PDS5B: variants seen among roughly 807,000 people sequenced by gnomAD.
PDS5B encodes the protein sister chromatid cohesion protein PDS5 homolog B.
PDS5B carries 51 observed loss-of-function variants against 184.1 expected under a neutral mutation model. The observed-to-expected ratio is 0.28, with a 90% CI of 0.22 to 0.35. The LOEUF (loss-of-function observed/expected upper bound fraction) is 0.35, where lower values mean the gene tolerates loss of function less well. Ranked by LOEUF, PDS5B falls within the 10% of genes least tolerant of loss-of-function variation. The pLI is 1.00. For synonymous variants in PDS5B, 566 were observed against 569.2 expected (o/e 0.99, Z 0.08); for missense variants, 1,180 against 1,723.3 (o/e 0.68, Z 5.58).
intron 1 of PDS5B, among the ~76,000 whole-genome samples, chr13:32,626,338 A>G (rs1295440805): frequency 6.6e-6 from 1 of 152,180 alleles, no homozygotes; most frequent in Admixed American, 6.5e-5. Flanking sequence ...CTTTTTCTGT[A>G]TTTTGTAACT....
intron 24 of PDS5B, 117 bp from the exon 25 acceptor site, chr13:32,753,215 T>G: frequency 1.4e-6 from 1 of 710,728 alleles, no homozygotes; most frequent in Non-Finnish European, 2.4e-6. Flanking sequence ...AGTGAAGCAA[T>G]TATTGTAGAT....
intron 6 of PDS5B, among the ~76,000 whole-genome samples, chr13:32,660,835 C>T (rs1240892518): frequency 1.3e-5 from 2 of 152,130 alleles, no homozygotes; most frequent in Admixed American, 6.5e-5. Flanking sequence ...GGAATCTTTC[C>T]ACCAAGTACT....
In PDS5B at chr13:32,616,394, C is replaced by G. The variant is rs567819570; in HGVS notation, c.-20+29801C>G. Among the ~76,000 whole-genome samples, 3 of 151,898 alleles carry G rather than the reference C, an allele frequency of 2.0e-5. No homozygotes were observed. In the South Asian group the frequency reaches 6.3e-4, roughly 32 times the overall value. On this transcript the variant is annotated intron_variant, in intron 1 of 34. Coordinates refer to ENST00000315596, the MANE Select transcript of PDS5B (RefSeq NM_015032.4). ...AAAATTTTTTTATACTTTAAAAACA[C>G]GAATGGGATCATACTATGGATACTA... is the stretch of plus-strand genomic sequence containing the variant.
At chr13:32,758,993 T>G (rs1473197731) in intron 28 of PDS5B, among the ~76,000 whole-genome samples, 1 of 152,012 alleles carries the variant, frequency 6.6e-6, no homozygotes, top group African/African-American at 2.4e-5. Flanking sequence ...GGATTTATAA[T>G]TGGTATGAGG....
At position 32,775,226 on chromosome 13, in the gene PDS5B, A is replaced by T; in HGVS notation, c.*174A>T. The T allele has an allele frequency of 1.7e-6, 1 of 605,554 alleles. No homozygotes were observed. Among genetic ancestry groups the T allele is most frequent in the Non-Finnish European group, 2.9e-6 (1 of 342,696 alleles). The allele number at this position is 605,554 out of a possible 1,614,324, so 37.5% of individuals were successfully genotyped here. ...ACATTTGTGGTCACATGCTTTAGCCATACACATGGTAACATTGACTATGGA... is the reference window on the plus strand; with the variant it reads ...ACATTTGTGGTCACATGCTTTAGCCTTACACATGGTAACATTGACTATGGA... On this transcript the variant is annotated 3_prime_UTR_variant, in exon 35 of 35. Coordinates refer to ENST00000315596, the MANE Select transcript of PDS5B (RefSeq NM_015032.4).
At chr13:32,695,620 A>C (rs780348735) in intron 14 of PDS5B, among the ~76,000 whole-genome samples, 7 of 152,034 alleles carry the variant, frequency 4.6e-5, no homozygotes, top group Non-Finnish European at 1.0e-4. Context: ...TGGAAATCAT[A>C]ATAACATCCA....
intron 21 of PDS5B, among the ~76,000 whole-genome samples, chr13:32,735,742 T>G (rs1225759762): frequency 4.0e-5 from 6 of 151,554 alleles, no homozygotes; most frequent in South Asian, 4.1e-4. Context: ...GAAAAAACAT[T>G]GGGAGAGGAA....
In PDS5B at chr13:32,675,898, G is replaced by A. The variant is rs1429705686; in HGVS notation, c.901G>A (p.Gly301Arg). The A allele has an allele frequency of 2.5e-6, 4 of 1,613,820 alleles. No homozygotes were observed. The highest frequency in any genetic ancestry group is 1.7e-5 in the Admixed American group (1 of 60,018). ...TGTTAAACTACTGGCAAAAATGTTT[G>A]GGGCAAAGGATTCAGAATTGGCTTC... Reference protein sequence around the residue: ...QVVKLLAKMFGAKDSELASQN... With the variant: ...QVVKLLAKMFRAKDSELASQN... Residue 301 changes from glycine to arginine, a missense_variant, in exon 9 of 35, where the codon GGG becomes AGG. By Grantham distance (125) the Gly-to-Arg change is moderately radical (BLOSUM62 -2). Transcript: ENST00000315596.
At chr13:32,691,965 G>A (rs777492654) in intron 13 of PDS5B, among the ~76,000 whole-genome samples, 2 of 151,852 alleles carry the variant, frequency 1.3e-5, no homozygotes, top group African/African-American at 4.8e-5. Context: ...TTAATGTTCT[G>A]ATTTCACCAC....
At chr13:32,760,247 A>ACG (rs1954335628) in intron 29 of PDS5B, among the ~76,000 whole-genome samples, 2 of 152,132 alleles carry the variant, frequency 1.3e-5, no homozygotes, top group Admixed American at 1.3e-4. Flanking sequence ...GAGCCACTGC[A>ACG]CCCGGCCAAA....
intron 1 of PDS5B, among the ~76,000 whole-genome samples, chr13:32,602,910 T>G (rs142353177): frequency 2.0e-3 from 311 of 152,360 alleles, no homozygotes; most frequent in African/African-American, 7.3e-3. Flanking sequence ...AAGTGTCTGT[T>G]CATATCCTTT....
intron 33 of PDS5B, among the ~76,000 whole-genome samples, chr13:32,772,770 A>T (rs563260435): frequency 6.6e-6 from 1 of 152,278 alleles, no homozygotes; most frequent in Non-Finnish European, 1.5e-5. Flanking sequence ...GAATGGTTTG[A>T]ATTAGGTGGT....
intron 19 of PDS5B, among the ~76,000 whole-genome samples, chr13:32,715,294 AGT>A (rs1000546418): frequency 1.3e-5 from 2 of 152,228 alleles, no homozygotes; most frequent in African/African-American, 2.4e-5. Flanking sequence ...GATATTCTTA[AGT>A]ATACAGGACT....
At chr13:32,689,811 TTGG>T (rs1488058138) in intron 13 of PDS5B, 1 of 152,174 alleles carries the variant, frequency 6.6e-6, no homozygotes, top group Non-Finnish European at 1.5e-5. Context: ...CATAGCCTAA[TTGG>T]TGGCTCTTTT....
At chr13:32,767,806 C>T (rs1364017992) in intron 31 of PDS5B, among the ~76,000 whole-genome samples, 2 of 151,810 alleles carry the variant, frequency 1.3e-5, no homozygotes, top group Non-Finnish European at 2.9e-5. Flanking sequence ...TATATAATTG[C>T]AAAATTCCAG....
At chr13:32,690,440 C>G (rs1049204428) in intron 13 of PDS5B, 1 of 152,120 alleles carries the variant, frequency 6.6e-6, no homozygotes, top group East Asian at 1.9e-4. Context: ...TGAAGGTGTT[C>G]CAAGGTTCTT....
intron 14 of PDS5B, 71 bp from the exon 15 acceptor site, chr13:32,696,783 T>C: frequency 9.5e-7 from 1 of 1,049,720 alleles, no homozygotes. Flanking sequence ...GCTTGTCTAA[T>C]TTTTTGCAGA....
In PDS5B at chr13:32,614,557, C is replaced by T. The variant is rs544402982; in HGVS notation, c.-20+27964C>T. 3.3e-5 allele frequency among the ~76,000 whole-genome samples: 5 copies of T among 152,272 alleles called. No homozygotes were observed. In the East Asian group the frequency reaches 7.7e-4, roughly 23 times the overall value. On this transcript the variant is annotated intron_variant, in intron 1 of 34. Transcript: ENST00000315596. ...AAGTGAGCTGCCCGCCTTGGCCTCC[C>T]AAAGTGCTGGGATTACAGGCATGAG...
intron 24 of PDS5B, among the ~76,000 whole-genome samples, chr13:32,747,035 G>A (rs1953770263): frequency 6.6e-6 from 1 of 152,090 alleles, no homozygotes; most frequent in Non-Finnish European, 1.5e-5. Flanking sequence ...CAGGTTAGAA[G>A]CATTCCTTAT....
Sources: gnomAD v4.1 joint callset for allele counts (sites outside exome capture counted in the v4.1 genomes callset) on GRCh38, gnomAD v4.1.1 for gene constraint, MANE v1.5 for transcripts, NCBI Gene and HGNC (gene_info 2026-07-23, HGNC 2026-07-21) for gene names.